Variants in MRM1 observed in about 807,000 individuals in gnomAD.
MRM1 encodes rRNA methyltransferase 1, mitochondrial.
MRM1 carries 24 observed loss-of-function variants against 25.0 expected under a neutral mutation model. That is an observed-to-expected ratio of 0.96 (90% confidence interval 0.69 to 1.35). The LOEUF (loss-of-function observed/expected upper bound fraction) is 1.35, where lower values mean the gene tolerates loss of function less well. MRM1 is among the 40% of genes most tolerant of loss of function. MRM1 has a pLI of 0.00. For synonymous variants in MRM1, 188 were observed against 199.2 expected (o/e 0.94, Z 0.47); for missense variants, 431 against 464.1 (o/e 0.93, Z 0.65).
the MRM1 span, among the ~76,000 whole-genome samples, chr17:36,631,378 A>G: frequency 6.6e-6 from 1 of 152,246 alleles, no homozygotes; most frequent in African/African-American, 2.4e-5. Flanking sequence ...ACATGTGTGC[A>G]TGTATTTGTG....
At position 36,602,591 on chromosome 17, in the gene MRM1, GGGCTATGGAGGT is replaced by G. The variant is rs1346408177; in HGVS notation, c.583_594del (p.Ala195_Val198del). The G allele has an allele frequency of 6.2e-7, 1 of 1,614,192 alleles. No homozygotes were observed. The highest frequency in any genetic ancestry group is 1.1e-5 in the South Asian group (1 of 91,086). On this transcript the variant is annotated inframe_deletion, in exon 2 of 5. Coordinates refer to ENST00000614766, the MANE Select transcript of MRM1 (RefSeq NM_024864.5). The surrounding 1 kb of genome is among the most constrained non-coding windows in gnomAD (Gnocchi z 4.1). Reference sequence around the variant, plus strand: ...CCAGTAGTCAGCAAGTCCAGCGCGGGGGCTATGGAGGTGATGGACGTGTTCTCCACTGATGAC... The same window carrying G: ...CCAGTAGTCAGCAAGTCCAGCGCGGGGATGGACGTGTTCTCCACTGATGAC...
intron 2 of MRM1, 137 bp from the exon 3 acceptor site, chr17:36,607,532 AG>A: frequency 9.9e-7 from 1 of 1,010,024 alleles, no homozygotes; most frequent in Non-Finnish European, 1.4e-6. Flanking sequence ...CTGAGGTGGG[AG>A]GATCACCAGA....
At position 36,602,518 on chromosome 17, in the gene MRM1, C is replaced by T. The variant is rs2074887006; in HGVS notation, c.543-35C>T. The T allele has an allele frequency of 5.6e-6, 9 of 1,613,646 alleles. No individual in the cohort carries two copies. The highest frequency in any genetic ancestry group is 7.6e-6 in the Non-Finnish European group (9 of 1,179,630). On this transcript the variant is annotated intron_variant, in intron 1 of 4. Transcript: ENST00000614766. The surrounding 1 kb of genome is among the most constrained non-coding windows in gnomAD (Gnocchi z 4.1). ...GGGTAGGGAGCCGGGCTTGAGATGG[C>T]CCAGCCTAATGCGGGGAACGGGGAA...
downstream of MRM1, among the ~76,000 whole-genome samples, chr17:36,610,907 G>T (rs1225502890): frequency 6.6e-6 from 1 of 152,074 alleles, no homozygotes; most frequent in African/African-American, 2.4e-5. Flanking sequence ...TCTGGCTCCT[G>T]GGTTCAAGCG....
the MRM1 span, among the ~76,000 whole-genome samples, chr17:36,633,422 G>A: frequency 6.6e-6 from 1 of 152,178 alleles, no homozygotes; most frequent in Non-Finnish European, 1.5e-5. Context: ...AAACATTCCT[G>A]TAGAGTATTT....
rs1220467072 is a variant in MRM1, at chr17:36,601,744, C to T, written c.-67C>T. ...TCGGTGTTGGGAGCCTGGGAGCGAA[C>T]TGCGGCGCGGGTTACCGCTCCCGGG... On this transcript the variant is annotated 5_prime_UTR_variant, in exon 1 of 5. Coordinates refer to ENST00000614766, the MANE Select transcript of MRM1 (RefSeq NM_024864.5). 2.0e-6 allele frequency: 3 copies of T among 1,476,788 alleles called. No individual in the cohort carries two copies. The highest frequency in any genetic ancestry group is 2.7e-6 in the Non-Finnish European group (3 of 1,113,212). 91.5% of individuals were successfully genotyped at this position (1,476,788 alleles called of 1,614,324 possible). A position where few individuals can be genotyped will look rare whatever the true frequency, so the allele number is the denominator to read the frequency against.
chr17:36,608,051 C>G, intron 4 of MRM1, 33 bp downstream of exon 4: 1 of 1,608,598 alleles, frequency 6.2e-7, no homozygotes, highest in Non-Finnish European at 8.5e-7. Context: ...TTCCTCTATC[C>G]CTCTAATCAC....
the MRM1 span, among the ~76,000 whole-genome samples, chr17:36,628,907 G>T: frequency 6.6e-6 from 1 of 152,016 alleles, no homozygotes; most frequent in Non-Finnish European, 1.5e-5. Flanking sequence ...ACTCCATCAG[G>T]CTGATCAAGG....
the MRM1 span, among the ~76,000 whole-genome samples, chr17:36,622,043 G>C: frequency 2.0e-5 from 3 of 152,230 alleles, no homozygotes; most frequent in South Asian, 6.2e-4. Flanking sequence ...GGGGGGCTGG[G>C]CTTGCAGTTG....
chr17:36,615,436 G>A, the MRM1 span, among the ~76,000 whole-genome samples: 1 of 152,006 alleles, frequency 6.6e-6, no homozygotes, highest in African/African-American at 2.4e-5. Context: ...CGAGGTGGGC[G>A]AATCATGAGG....
At chr17:36,615,226 G>A in the MRM1 span, among the ~76,000 whole-genome samples, 1 of 152,170 alleles carries the variant, frequency 6.6e-6, no homozygotes, top group African/African-American at 2.4e-5. Flanking sequence ...GGAGGGGCTG[G>A]GCCTGTCTTT....
chr17:36,601,795 T>C lies in MRM1; in HGVS notation c.-16T>C. On this transcript the variant is annotated 5_prime_UTR_variant, in exon 1 of 5. Coordinates refer to ENST00000614766, the MANE Select transcript of MRM1 (RefSeq NM_024864.5). The stretch of plus-strand genomic sequence containing the variant: ...GACGCAGCAAGGGGCATCGAGTCCC[T>C]GGCGGGAGCTGCGCCATGGCATTGC... The C allele has an allele frequency of 6.6e-7, 1 of 1,522,328 alleles. No individual in the cohort carries two copies. 94.3% of individuals were successfully genotyped at this position (1,522,328 alleles called of 1,614,324 possible).
the MRM1 span, among the ~76,000 whole-genome samples, chr17:36,630,899 G>A: frequency 6.6e-6 from 1 of 152,118 alleles, no homozygotes; most frequent in African/African-American, 2.4e-5. Flanking sequence ...TGGGACTCGG[G>A]GGCCCAGGTG....
chr17:36,623,914 G>A, the MRM1 span, among the ~76,000 whole-genome samples: 1 of 152,180 alleles, frequency 6.6e-6, no homozygotes. Context: ...GCCCCCGCTC[G>A]GACCTGCAAT....
At chr17:36,616,356 A>T in the MRM1 span, among the ~76,000 whole-genome samples, 2 of 152,310 alleles carry the variant, frequency 1.3e-5, no homozygotes, top group South Asian at 4.1e-4. Context: ...AATCATCCCC[A>T]GCCACAGCTG....
chr17:36,611,095 G>A (rs762396465), downstream of MRM1, among the ~76,000 whole-genome samples: 3 of 152,182 alleles, frequency 2.0e-5, no homozygotes, highest in Non-Finnish European at 2.9e-5. Context: ...GATTACAGGC[G>A]TGCACTACCA....
the MRM1 span, among the ~76,000 whole-genome samples, chr17:36,627,526 G>T: frequency 6.6e-6 from 1 of 152,002 alleles, no homozygotes. Context: ...CTCTTAAATT[G>T]TTGACGAGAC....
At chr17:36,634,088 A>G in the MRM1 span, 1 of 152,212 alleles carries the variant, frequency 6.6e-6, no homozygotes, top group Admixed American at 6.5e-5. Flanking sequence ...CCATTCTTCT[A>G]GAGCCCAGCC....
At chr17:36,627,714 A>T in the MRM1 span, among the ~76,000 whole-genome samples, 1 of 122,630 alleles carries the variant, frequency 8.2e-6, no homozygotes, top group South Asian at 2.5e-4. Context: ...CAGCTTGGTC[A>T]CTGAAGCTGG....
Sources: allele counts gnomAD v4.1 joint callset (sites outside exome capture counted in the v4.1 genomes callset), GRCh38; gene constraint gnomAD v4.1.1; non-coding constraint Gnocchi (gnomAD v3.1); transcripts MANE v1.5; gene names NCBI Gene and HGNC (gene_info 2026-07-23, HGNC 2026-07-21).